Variants in NLRP5 observed in about 807,000 individuals in gnomAD.
NLRP5 encodes the protein NLR family pyrin domain containing 5.
In NLRP5, 93 loss-of-function variants were observed where a neutral mutation model predicts 113.1. The observed-to-expected ratio is 0.82, with a 90% CI of 0.70 to 0.98. The LOEUF (loss-of-function observed/expected upper bound fraction) is 0.98. Among genes scored for constraint, NLRP5 ranks in the 50% least tolerant of loss-of-function variants. The pLI is 0.00. For missense variants in NLRP5, 1,808 were observed against 1,514.3 expected (o/e 1.19, Z -3.22); for synonymous variants, 751 against 600.7 (o/e 1.25, Z -3.66).
chr19:56,044,067 CT>C (rs35674471), intron 11 of NLRP5, among the ~76,000 whole-genome samples: 258 of 139,746 alleles, frequency 1.8e-3, no homozygotes, highest in Admixed American at 2.2e-3. Context: ...AGTCTTAGGT[CT>C]TTTTTTTTTT....
chr19:55,996,400 G>A (rs1026999886), upstream of NLRP5, among the ~76,000 whole-genome samples: 2 of 152,028 alleles, frequency 1.3e-5, no homozygotes, highest in African/African-American at 2.4e-5. Context: ...TGTGCACAAC[G>A]TGCAGGTTTG....
chr19:56,058,418 G>A lies in NLRP5; in HGVS notation c.3470+8G>A, dbSNP rs746594915. 27 of 1,603,738 alleles carry A rather than the reference G, an allele frequency of 1.7e-5. No homozygotes were observed. The highest frequency in any genetic ancestry group is 3.4e-5 in the Admixed American group (2 of 58,030). On this transcript the variant is annotated splice_region_variant and intron_variant, in intron 14 of 14. Transcript: ENST00000390649. ...TAACTTACAGATAATTGGGTAAGTCGCCAGCAATTGTCTTCTGAGATACAG... is the reference window on the plus strand; with the variant it reads ...TAACTTACAGATAATTGGGTAAGTCACCAGCAATTGTCTTCTGAGATACAG...
chr19:56,056,681 T>C (rs921595557), intron 13 of NLRP5, among the ~76,000 whole-genome samples: 2 of 152,206 alleles, frequency 1.3e-5, no homozygotes, highest in African/African-American at 4.8e-5. Context: ...GATTTACCTC[T>C]CCCTTGCCTC....
At chr19:55,993,915 T>C in the NLRP5 span, among the ~76,000 whole-genome samples, 1 of 151,956 alleles carries the variant, frequency 6.6e-6, no homozygotes, top group East Asian at 2.0e-4. Context: ...AGATTACATA[T>C]CTTAGCTATC....
intron 13 of NLRP5, among the ~76,000 whole-genome samples, chr19:56,056,849 A>C (rs971876576): frequency 2.0e-5 from 3 of 152,154 alleles, no homozygotes; most frequent in Admixed American, 6.5e-5. Context: ...ATTCTATCAT[A>C]AGAATTCCAG....
intron 11 of NLRP5, among the ~76,000 whole-genome samples, chr19:56,049,466 C>A (rs1350194099): frequency 2.0e-5 from 3 of 152,118 alleles, no homozygotes; most frequent in Non-Finnish European, 4.4e-5. Context: ...TAGGCATGAG[C>A]CACCGTGCCC....
Position 56,053,940 on chromosome 19 carries a change from C to T in NLRP5, c.3299+132C>T, listed in dbSNP as rs1266034340. 7 of 745,852 alleles carry T rather than the reference C, an allele frequency of 9.4e-6. No individual in the cohort carries two copies. In the Admixed American group the frequency reaches 1.0e-4, roughly 11 times the overall value. The allele number at this position is 745,852 out of a possible 1,614,324, so 46.2% of individuals were successfully genotyped here. A position where few individuals can be genotyped will look rare whatever the true frequency, so the allele number is the denominator to read the frequency against. On this transcript the variant is annotated intron_variant, in intron 13 of 14. Transcript: ENST00000390649. Reference sequence around the variant, plus strand: ...CTCAAGTTAGATGGAGTGCAACCTTCGCAGCACCACAGATCTGGGTATAAG... The same window carrying T: ...CTCAAGTTAGATGGAGTGCAACCTTTGCAGCACCACAGATCTGGGTATAAG...
chr19:56,055,806 A>G (rs543392573), intron 13 of NLRP5, among the ~76,000 whole-genome samples: 6 of 151,700 alleles, frequency 4.0e-5, no homozygotes, highest in Non-Finnish European at 8.8e-5. Flanking sequence ...TGGCCTCCCA[A>G]AGTGCTGGGA....
intron 3 of NLRP5, among the ~76,000 whole-genome samples, chr19:56,012,336 G>A (rs1381878441): frequency 1.3e-5 from 2 of 151,812 alleles, no homozygotes; most frequent in African/African-American, 4.8e-5. Flanking sequence ...TTTTAGTAGA[G>A]ATGGGGTTTC....
At chr19:55,990,464 G>A in the NLRP5 span, among the ~76,000 whole-genome samples, 239 of 152,130 alleles carry the variant, frequency 1.6e-3, 1 homozygote, top group African/African-American at 5.4e-3. Flanking sequence ...GCCGAGGCAG[G>A]TGGATCATTT....
In NLRP5 at chr19:56,003,981, G is replaced by T. The variant is rs779572985; in HGVS notation, c.328G>T (p.Ala110Ser). ...CGAGAATGCCAACGTGGAATGTCTGGCACTCCTCTTGCATGAGTATTATGG... is the reference window on the plus strand; with the variant it reads ...CGAGAATGCCAACGTGGAATGTCTGTCACTCCTCTTGCATGAGTATTATGG... Residue 110 changes from alanine to serine, a missense_variant, in exon 2 of 15, where the codon GCA becomes TCA. Physicochemically the swap from Ala to Ser is moderately conservative, Grantham distance 99 (BLOSUM62 1). Coordinates refer to ENST00000390649, the MANE Select transcript of NLRP5 (RefSeq NM_153447.4). 1.9e-6 allele frequency: 3 copies of T among 1,613,864 alleles called. No homozygotes were observed. Among genetic ancestry groups the T allele is most frequent in the Non-Finnish European group, 1.7e-6 (2 of 1,179,894 alleles).
chr19:56,029,759 A>T (rs949977089), intron 7 of NLRP5, among the ~76,000 whole-genome samples: 4 of 151,732 alleles, frequency 2.6e-5, no homozygotes, highest in Non-Finnish European at 5.9e-5. Flanking sequence ...ACAAAGTAAG[A>T]CCCTGTCTGT....
the NLRP5 span, among the ~76,000 whole-genome samples, chr19:55,990,072 CTTTTTTCTTTTTTTTTTTT>C: frequency 1.3e-5 from 1 of 76,482 alleles, no homozygotes; most frequent in Non-Finnish European, 2.5e-5. Flanking sequence ...TCTTTTTTTT[CTTTTTTCTTTTTTTTTTTT>C]TTTTTTTTTT....
At chr19:55,998,950 G>A (rs1599873408), upstream of NLRP5, among the ~76,000 whole-genome samples, 1 of 151,160 alleles carries the variant, frequency 6.6e-6, no homozygotes, top group South Asian at 2.1e-4. Flanking sequence ...AGCAATTTTG[G>A]AGCATATATT....
intron 7 of NLRP5, among the ~76,000 whole-genome samples, chr19:56,031,369 C>CT (rs1568493222): frequency 6.6e-6 from 1 of 152,152 alleles, no homozygotes; most frequent in African/African-American, 2.4e-5. Flanking sequence ...TGGCTCACGC[C>CT]TGTCATCCCA....
At position 56,007,692 on chromosome 19, in the gene NLRP5, T is replaced by C. The variant is rs536393354; in HGVS notation, c.443-1096T>C. 1.2e-3 allele frequency among the ~76,000 whole-genome samples: 176 copies of C among 151,230 alleles called. 13 individuals are homozygous for C. The highest frequency in any genetic ancestry group is 4.0e-3 in the African/African-American group (164 of 40,616). On this transcript the variant is annotated intron_variant, in intron 2 of 14. Transcript: ENST00000390649. ...GGTGGTAATAGAAATCATCAAACTT[T>C]CCTTTCAGCACTGTTGCAAAAGTGT...
At chr19:56,051,923 C>T (rs558282207) in intron 12 of NLRP5, among the ~76,000 whole-genome samples, 2 of 152,336 alleles carry the variant, frequency 1.3e-5, no homozygotes, top group East Asian at 3.9e-4. Flanking sequence ...GGTATGGATT[C>T]TAGTTCACAA....
chr19:56,014,342 T>C (rs1982323962), intron 3 of NLRP5, among the ~76,000 whole-genome samples: 1 of 152,006 alleles, frequency 6.6e-6, no homozygotes, highest in African/African-American at 2.4e-5. Context: ...CCACCAGGCA[T>C]GGTGGCGCTT....
chr19:56,037,608 G>A (rs973401562), intron 9 of NLRP5, among the ~76,000 whole-genome samples: 21 of 150,408 alleles, frequency 1.4e-4, no homozygotes, highest in African/African-American at 4.4e-4. Context: ...CAGGAGACTC[G>A]CTTCAATCCG....
Sources: gnomAD v4.1 joint callset for allele counts (sites outside exome capture counted in the v4.1 genomes callset) on GRCh38, gnomAD v4.1.1 for gene constraint, MANE v1.5 for transcripts, NCBI Gene and HGNC (gene_info 2026-07-23, HGNC 2026-07-21) for gene names.